SPIRE1: variants seen among roughly 807,000 people sequenced by gnomAD.
SPIRE1 encodes the protein spire type actin nucleation factor 1, also known as protein spire homolog 1.
A neutral mutation model predicts 94.1 loss-of-function variants in SPIRE1; 40 were observed. The observed-to-expected ratio is 0.43, with a 90% CI of 0.33 to 0.55. The LOEUF (loss-of-function observed/expected upper bound fraction) is 0.55. Ranked by LOEUF, SPIRE1 falls within the 20% of genes least tolerant of loss-of-function variation. The pLI is 0.06. For missense variants in SPIRE1, 838 were observed against 975.2 expected (o/e 0.86, Z 1.87); for synonymous variants, 376 against 371.7 (o/e 1.01, Z -0.13).
chr18:12,661,427 C>A, upstream of SPIRE1: 1 of 863,300 alleles, frequency 1.2e-6, no homozygotes, highest in Non-Finnish European at 1.4e-6. Context: ...GGAGTTCTAG[C>A]ACCCCTGTGG....
chr18:12,463,446 G>T lies in SPIRE1; in HGVS notation c.1543C>A (p.Arg515=). ...PISSTPQPER[R]QPPQRRHSIE... ...GAATGTCGTCTCTGGGGTGGCTGCC[G>T]TCTCTCTGGCTGGGGTGTTGATGAT... Residue 515 remains arginine (R), a synonymous_variant, in exon 12 of 17, where the codon CGG becomes AGG. Transcript: ENST00000409402. The T allele has an allele frequency of 1.2e-6, 2 of 1,613,836 alleles. No individual in the cohort carries two copies. Among genetic ancestry groups the T allele is most frequent in the East Asian group, 2.2e-5 (1 of 44,882 alleles).
At chr18:12,541,143 T>C (rs2035004154) in intron 3 of SPIRE1, among the ~76,000 whole-genome samples, 1 of 152,258 alleles carries the variant, frequency 6.6e-6, no homozygotes, top group Non-Finnish European at 1.5e-5. Flanking sequence ...CAAGTATATG[T>C]GGAAATAATA....
chr18:12,623,764 G>T (rs1212748528), intron 2 of SPIRE1, among the ~76,000 whole-genome samples: 5 of 152,064 alleles, frequency 3.3e-5, no homozygotes, highest in African/African-American at 1.2e-4. Flanking sequence ...AAGTAGCTGG[G>T]ATTACAGGCA....
chr18:12,460,048 A>G lies in SPIRE1; in HGVS notation c.1638+3303T>C, dbSNP rs368593330. The G allele has an allele frequency of 4.5e-5, 14 of 312,830 alleles. No individual in the cohort carries two copies. In the East Asian group the frequency reaches 1.9e-3, roughly 42 times the overall value. The allele number at this position is 312,830 out of a possible 1,614,324, so 19.4% of individuals were successfully genotyped here. A position where few individuals can be genotyped will look rare whatever the true frequency, so the allele number is the denominator to read the frequency against. On this transcript the variant is annotated intron_variant, in intron 12 of 16. Transcript: ENST00000409402. ...ATCACAAAAGGAAAACAAAACAAAA[A>G]ACACCATGAGGCTGGTACAGTCCGT...
intron 2 of SPIRE1, among the ~76,000 whole-genome samples, chr18:12,627,102 C>T (rs1207929783): frequency 2.6e-5 from 4 of 151,746 alleles, no homozygotes; most frequent in African/African-American, 9.7e-5. Context: ...ACTTTAAGTT[C>T]TAGGGTACAT....
intron 1 of SPIRE1, among the ~76,000 whole-genome samples, chr18:12,637,295 C>T (rs1201619160): frequency 6.8e-6 from 1 of 148,122 alleles, no homozygotes; most frequent in Non-Finnish European, 1.5e-5. Flanking sequence ...GGAGGCAGAG[C>T]TTGCAGTGAG....
intron 3 of SPIRE1, among the ~76,000 whole-genome samples, chr18:12,541,536 A>C (rs2035015404): frequency 6.6e-6 from 1 of 152,210 alleles, no homozygotes; most frequent in African/African-American, 2.4e-5. Flanking sequence ...ATTTCTCCTT[A>C]GTAAATTGAA....
chr18:12,447,924 CCTAA>C lies in SPIRE1; in HGVS notation c.*1710_*1713del, dbSNP rs1368204777. 6.6e-6 allele frequency: 1 copy of C among 152,166 alleles called. No homozygotes were observed. Among genetic ancestry groups the C allele is most frequent in the Non-Finnish European group, 1.5e-5 (1 of 68,030 alleles). 9.4% of individuals were successfully genotyped at this position (152,166 alleles called of 1,614,324 possible). On this transcript the variant is annotated 3_prime_UTR_variant, in exon 17 of 17. Transcript: ENST00000409402. ...CAAAAGGGGTAGATTTATACTCCCACCTAACTGTCTGGAGTATAGAGTTCAGATA... is the reference window on the plus strand; with the variant it reads ...CAAAAGGGGTAGATTTATACTCCCACCTGTCTGGAGTATAGAGTTCAGATA...
intron 5 of SPIRE1, among the ~76,000 whole-genome samples, chr18:12,512,181 A>G (rs1411221043): frequency 1.3e-5 from 2 of 152,184 alleles, no homozygotes; most frequent in Non-Finnish European, 2.9e-5. Context: ...CCTGGCCAAC[A>G]TGGTGAAACC....
intron 2 of SPIRE1, among the ~76,000 whole-genome samples, chr18:12,564,158 G>A (rs1287453445): frequency 1.3e-5 from 2 of 151,988 alleles, no homozygotes; most frequent in Non-Finnish European, 2.9e-5. Flanking sequence ...AAAATTAAAG[G>A]GTCCCAGCTC....
chr18:12,652,974 CA>C (rs2038424084), intron 1 of SPIRE1: 1 of 152,194 alleles, frequency 6.6e-6, no homozygotes, highest in African/African-American at 2.4e-5. Context: ...AACAGAGTGA[CA>C]ATGGCCTGTA....
At position 12,591,968 on chromosome 18, in the gene SPIRE1, CAAAAAA is replaced by C. The variant is rs35668057; in HGVS notation, c.372+43088_372+43093del. 5.2e-3 allele frequency among the ~76,000 whole-genome samples: 348 copies of C among 67,452 alleles called. 2 individuals carry two copies. The highest frequency in any genetic ancestry group is 0.032 in the South Asian group (50 of 1,546). The allele number at this position is 67,452 out of a possible 152,430, so 44.3% of individuals were successfully genotyped here. On this transcript the variant is annotated intron_variant, in intron 2 of 16. Coordinates refer to ENST00000409402, the MANE Select transcript of SPIRE1 (RefSeq NM_001128626.2). ...TGGGCGACAGAGCAAGACTCCATCT[CAAAAAA>C]AAAAAAAAAAAAAAAAAAATCAAGA...
At chr18:12,574,843 T>C (rs1000549422) in intron 2 of SPIRE1, among the ~76,000 whole-genome samples, 3 of 152,146 alleles carry the variant, frequency 2.0e-5, no homozygotes, top group African/African-American at 7.2e-5. Flanking sequence ...AAAACTGTGG[T>C]ATCACAAAAA....
intron 5 of SPIRE1, among the ~76,000 whole-genome samples, chr18:12,507,912 T>C (rs1320850996): frequency 6.6e-6 from 1 of 151,896 alleles, no homozygotes; most frequent in East Asian, 2.0e-4. Flanking sequence ...TCTGGGAGGC[T>C]GATGTGGACA....
chr18:12,591,445 C>T (rs2036531984), intron 2 of SPIRE1, among the ~76,000 whole-genome samples: 1 of 152,138 alleles, frequency 6.6e-6, no homozygotes, highest in South Asian at 2.1e-4. Context: ...GAGGGGGAGC[C>T]ACTGCAGGTT....
chr18:12,509,866 A>T (rs1367449968), intron 5 of SPIRE1, among the ~76,000 whole-genome samples: 2 of 152,048 alleles, frequency 1.3e-5, no homozygotes, highest in African/African-American at 2.4e-5. Context: ...GCGGATCACC[A>T]GGTAGGTCAG....
At chr18:12,504,531 G>C (rs1462994026) in intron 6 of SPIRE1, among the ~76,000 whole-genome samples, 1 of 152,090 alleles carries the variant, frequency 6.6e-6, no homozygotes, top group Admixed American at 6.6e-5. Flanking sequence ...AAAAAACCAA[G>C]TGATGTTTCA....
At chr18:12,558,479 C>G (rs2035584735) in intron 2 of SPIRE1, among the ~76,000 whole-genome samples, 1 of 152,214 alleles carries the variant, frequency 6.6e-6, no homozygotes, top group Non-Finnish European at 1.5e-5. Context: ...GGGACTCGAG[C>G]AGCGTGCCAC....
intron 2 of SPIRE1, among the ~76,000 whole-genome samples, chr18:12,619,495 G>A (rs1255388838): frequency 6.6e-6 from 1 of 151,844 alleles, no homozygotes; most frequent in Non-Finnish European, 1.5e-5. Flanking sequence ...GCGATACAGC[G>A]AGACTCCGTC....
Sources: gnomAD v4.1 joint callset for allele counts (sites outside exome capture counted in the v4.1 genomes callset) on GRCh38, gnomAD v4.1.1 for gene constraint, MANE v1.5 for transcripts, NCBI Gene and HGNC (gene_info 2026-07-23, HGNC 2026-07-21) for gene names.